CACNA1B: variants seen among roughly 807,000 people sequenced by gnomAD.
CACNA1B encodes calcium voltage-gated channel subunit alpha1 B.
CACNA1B carries 70 observed loss-of-function variants against 247.2 expected under a neutral mutation model. The ratio of observed to expected loss-of-function variants is 0.28; its 90% CI spans 0.23 to 0.35. The LOEUF (loss-of-function observed/expected upper bound fraction) is 0.35, where lower values mean the gene tolerates loss of function less well. Among genes scored for constraint, CACNA1B ranks in the 10% least tolerant of loss-of-function variants. The pLI, the probability that CACNA1B is intolerant of heterozygous loss-of-function variation, is 1.00. For synonymous variants in CACNA1B, 1,231 were observed against 1,294.4 expected (o/e 0.95, Z 1.05); for missense variants, 2,367 against 3,197.4 (o/e 0.74, Z 6.26).
intron 20 of CACNA1B, among the ~76,000 whole-genome samples, chr9:138,043,480 C>G (rs1959154286): frequency 6.6e-6 from 1 of 152,080 alleles, no homozygotes. Context: ...CATCGAGGCC[C>G]CTCAGCGCGG....
chr9:137,954,856 T>TTGTGTGTGTGGGTGTGTGTGTG lies in CACNA1B; in HGVS notation c.1071-832_1071-831insGGTGTGTGTGTGTGTGTGTGTG, dbSNP rs1957926215. On this transcript the variant is annotated intron_variant, in intron 7 of 46. Transcript: ENST00000371372. The surrounding 1 kb of genome is among the most constrained non-coding windows in gnomAD (Gnocchi z 4.1). Reference sequence around the variant, plus strand: ...ACACCCACTCCACCAACTCAGAAGCTTGTGTGTGTGTGTGTGTGTGTGTGA... The same window carrying TTGTGTGTGTGGGTGTGTGTGTG: ...ACACCCACTCCACCAACTCAGAAGCTTGTGTGTGTGGGTGTGTGTGTGTGTGTGTGTGTGTGTGTGTGTGTGA... Among the ~76,000 whole-genome samples, 1 of 120,946 alleles carries TTGTGTGTGTGGGTGTGTGTGTG rather than the reference T, an allele frequency of 8.3e-6. No homozygotes were observed. Among genetic ancestry groups the TTGTGTGTGTGGGTGTGTGTGTG allele is most frequent in the Non-Finnish European group, 1.6e-5 (1 of 61,214 alleles). The allele number at this position is 120,946 out of a possible 152,430, so 79.3% of individuals were successfully genotyped here.
In CACNA1B at chr9:137,986,901, C is replaced by A; in HGVS notation, c.1974+47C>A. 1 of 1,402,224 alleles carries A rather than the reference C, an allele frequency of 7.1e-7. No individual in the cohort carries two copies. Among genetic ancestry groups the A allele is most frequent in the Non-Finnish European group, 1.0e-6 (1 of 988,454 alleles). The allele number at this position is 1,402,224 out of a possible 1,614,324, so 86.9% of individuals were successfully genotyped here. A position where few individuals can be genotyped will look rare whatever the true frequency, so the allele number is the denominator to read the frequency against. ...TTTGCGGCCTGCCCGGCTCCCGTCT[C>A]CCCTGGGTGCTGGGAAGGCGGACTC... On this transcript the variant is annotated intron_variant, in intron 15 of 46. Coordinates refer to ENST00000371372, the MANE Select transcript of CACNA1B (RefSeq NM_000718.4). This position sits in a 1 kb window ranked among gnomAD's most constrained non-coding sequence, Gnocchi z 6.0.
chr9:138,023,130 G>C lies in CACNA1B; in HGVS notation c.2387G>C (p.Arg796Pro), dbSNP rs201002041. ...TACAGCGAGATGGACCCCGAGGAGC[G>C]GCTGCGCTTCGCCACTACGCGCCAC... ...ALYSEMDPEE[R>P]LRFATTRHLR... The change falls in exon 19 of 47, where the codon CGG becomes CCG. Residue 796 changes from arginine to proline, a missense_variant. By Grantham distance (103) the Arg-to-Pro change is moderately radical (BLOSUM62 -2). This residue lies in a region of CACNA1B where 631 missense variants were observed against 631.1 expected (regional missense o/e 1.00). Transcript: ENST00000371372. 6.5e-7 allele frequency: 1 copy of C among 1,536,940 alleles called. No individual in the cohort carries two copies. Among genetic ancestry groups the C allele is most frequent in the Admixed American group, 1.9e-5 (1 of 51,538 alleles).
At chr9:138,103,451 G>A (rs561390003) in intron 38 of CACNA1B, among the ~76,000 whole-genome samples, 1 of 152,310 alleles carries the variant, frequency 6.6e-6, no homozygotes, top group Non-Finnish European at 1.5e-5. Context: ...GAGGGCTGCT[G>A]GAGGATGGGG....
At chr9:137,908,548 C>T (rs1335128932) in intron 3 of CACNA1B, among the ~76,000 whole-genome samples, 1 of 152,034 alleles carries the variant, frequency 6.6e-6, no homozygotes, top group Non-Finnish European at 1.5e-5. Context: ...CAAAAAAAAC[C>T]TTTAAGATAT....
At chr9:138,091,216 G>T (rs1411280374) in intron 36 of CACNA1B, among the ~76,000 whole-genome samples, 3 of 152,142 alleles carry the variant, frequency 2.0e-5, no homozygotes. Context: ...TAAAAAGAAT[G>T]AAATTCTGCC....
In CACNA1B at chr9:137,954,784, C is replaced by T. The variant is rs534032532; in HGVS notation, c.1071-914C>T. 1.3e-4 allele frequency among the ~76,000 whole-genome samples: 19 copies of T among 151,224 alleles called. No individual in the cohort carries two copies. In the East Asian group the frequency reaches 2.4e-3, roughly 19 times the overall value. On this transcript the variant is annotated intron_variant, in intron 7 of 46. Transcript: ENST00000371372. This position sits in a 1 kb window ranked among gnomAD's most constrained non-coding sequence, Gnocchi z 4.1. ...GCCCAGGGTCAGTCACGGTCAGAGC[C>T]GGGGATTGTTGCACCGGGGCTGTGT...
At chr9:138,063,736 G>T (rs1177710356) in intron 31 of CACNA1B, among the ~76,000 whole-genome samples, 1 of 152,198 alleles carries the variant, frequency 6.6e-6, no homozygotes, top group Admixed American at 6.5e-5. Context: ...GGGTTATCTG[G>T]GGAGTAGTCC....
At position 138,121,902 on chromosome 9, in the gene CACNA1B, G is replaced by T; in HGVS notation, c.6923G>T (p.Arg2308Leu). The T allele has an allele frequency of 6.2e-7, 1 of 1,612,062 alleles. No individual in the cohort carries two copies. Among genetic ancestry groups the T allele is most frequent in the South Asian group, 1.1e-5 (1 of 91,088 alleles). ...CTGACCTCCCAGTCTCACCCTCTCC[G>T]CCGCGTGCCCAACGGTTACCACTGC... Reference protein sequence around the residue: ...SSLTSQSHPLRRVPNGYHCTL... With the variant: ...SSLTSQSHPLLRVPNGYHCTL... Residue 2308 changes from arginine to leucine, a missense_variant, in exon 47 of 47, where the codon CGC (arginine) becomes CTC (leucine). By Grantham distance (102) the Arg-to-Leu change is moderately radical (BLOSUM62 -2). Transcript: ENST00000371372. The surrounding 1 kb of genome is among the most constrained non-coding windows in gnomAD (Gnocchi z 6.8).
intron 36 of CACNA1B, among the ~76,000 whole-genome samples, chr9:138,084,571 T>C (rs529360627): frequency 2.0e-5 from 3 of 151,334 alleles, no homozygotes; most frequent in South Asian, 2.1e-4. Flanking sequence ...GCTGGCACAC[T>C]AAAACCCAAC....
intron 15 of CACNA1B, among the ~76,000 whole-genome samples, chr9:137,988,515 C>A (rs1279801306): frequency 8.5e-5 from 13 of 152,076 alleles, no homozygotes; most frequent in Admixed American, 8.5e-4. Flanking sequence ...CTTTTCTGAT[C>A]AGATGATGCT....
intron 18 of CACNA1B, among the ~76,000 whole-genome samples, 186 bp downstream of exon 18, chr9:138,013,421 T>G (rs1958751425): frequency 6.6e-6 from 1 of 152,120 alleles, no homozygotes; most frequent in African/African-American, 2.4e-5. Flanking sequence ...TTTCTCAGTA[T>G]GAGCAGGGCC....
intron 23 of CACNA1B, among the ~76,000 whole-genome samples, chr9:138,047,818 G>A (rs1411452985): frequency 1.3e-5 from 2 of 152,246 alleles, no homozygotes; most frequent in Non-Finnish European, 2.9e-5. Flanking sequence ...TTGGCTGGGG[G>A]AGGAGGAGAC....
At chr9:137,992,436 A>C (rs1388406646) in intron 15 of CACNA1B, among the ~76,000 whole-genome samples, 1 of 152,230 alleles carries the variant, frequency 6.6e-6, no homozygotes, top group Non-Finnish European at 1.5e-5. Flanking sequence ...TGAAATTTAT[A>C]AAACAATTAC....
At chr9:138,022,864 C>T (rs2133437641) in intron 18 of CACNA1B, 147 bp from the exon 19 acceptor site, 1 of 1,100,764 alleles carries the variant, frequency 9.1e-7, no homozygotes, top group Non-Finnish European at 1.2e-6. Context: ...ACCTGATCCG[C>T]GTCCCCCGAG....
At chr9:138,118,147 G>A (rs566239078) in intron 43 of CACNA1B, 66 bp downstream of exon 43, 829 of 1,019,694 alleles carry the variant, frequency 8.1e-4, no homozygotes, top group Middle Eastern at 1.3e-3. Flanking sequence ...GGGGATGTTT[G>A]AGACTGGGGT....
intron 39 of CACNA1B, 94 bp from the exon 40 acceptor site, chr9:138,112,304 C>T (rs528317041): frequency 2.4e-6 from 2 of 836,832 alleles, no homozygotes; most frequent in South Asian, 1.5e-5. Flanking sequence ...CACCATTCAT[C>T]TCCCCACCTG....
Position 138,010,599 on chromosome 9 carries a change from C to T in CACNA1B, c.2160+522C>T, listed in dbSNP as rs1281176274. Among the ~76,000 whole-genome samples, 1 of 152,130 alleles carries T rather than the reference C, an allele frequency of 6.6e-6. No homozygotes were observed. Among genetic ancestry groups the T allele is most frequent in the African/African-American group, 2.4e-5 (1 of 41,412 alleles). Reference sequence around the variant, plus strand: ...GGCCACCTGCCATCTCAGTCGCAGGCTTGTGTGTTGACTCAAGCCCTAGCT... The same window carrying T: ...GGCCACCTGCCATCTCAGTCGCAGGTTTGTGTGTTGACTCAAGCCCTAGCT... On this transcript the variant is annotated intron_variant, in intron 17 of 46. Transcript: ENST00000371372. The surrounding 1 kb of genome is among the most constrained non-coding windows in gnomAD (Gnocchi z 5.3).
In CACNA1B at chr9:138,114,364, G is replaced by T. The variant is rs1430774787; in HGVS notation, c.5537-14G>T. On this transcript the variant is annotated splice_polypyrimidine_tract_variant and intron_variant, in intron 40 of 46. Coordinates refer to ENST00000371372, the MANE Select transcript of CACNA1B (RefSeq NM_000718.4). The stretch of plus-strand genomic sequence containing the variant: ...CCCCCTTCTCCGAATCTCAACTCCT[G>T]TGTTCTTTTCCAGCTGATGAGATGA... 7.4e-7 allele frequency: 1 copy of T among 1,346,210 alleles called. No homozygotes were observed. Among genetic ancestry groups the T allele is most frequent in the Non-Finnish European group, 1.1e-6 (1 of 947,362 alleles). 83.4% of individuals were successfully genotyped at this position (1,346,210 alleles called of 1,614,324 possible). A position where few individuals can be genotyped will look rare whatever the true frequency, so the allele number is the denominator to read the frequency against.
Sources: gnomAD v4.1 joint callset for allele counts (sites outside exome capture counted in the v4.1 genomes callset) on GRCh38, gnomAD v4.1.1 for gene constraint, gnomAD v4.1.1 regional missense constraint, Gnocchi (gnomAD v3.1) non-coding constraint, MANE v1.5 for transcripts, NCBI Gene and HGNC (gene_info 2026-07-23, HGNC 2026-07-21) for gene names.